Variants in ABCA13 observed in about 807,000 individuals in gnomAD.
The protein encoded by ABCA13 is ATP-binding cassette sub-family A member 13.
A neutral mutation model predicts 478.7 loss-of-function variants in ABCA13; 476 were observed. That is an observed-to-expected ratio of 0.99 (90% CI 0.92 to 1.07). The LOEUF is 1.07. Ranked by LOEUF, ABCA13 falls within the 50% of genes least tolerant of loss-of-function variation. The pLI is 0.00. For missense variants in ABCA13, 6,060 were observed against 5,910.6 expected (o/e 1.03, Z -0.83); for synonymous variants, 2,252 against 2,158.9 (o/e 1.04, Z -1.20).
intron 58 of ABCA13, among the ~76,000 whole-genome samples, chr7:48,607,570 A>C (rs1791598733): frequency 6.6e-6 from 1 of 152,072 alleles, no homozygotes; most frequent in South Asian, 2.1e-4. Flanking sequence ...GCTGCATTTA[A>C]ATTTTTTCTT....
Position 48,524,304 on chromosome 7 carries a change from AAG to A in ABCA13, c.14111_14112del (p.Glu4704GlyfsTer6), listed in dbSNP as rs1832746174. On this transcript the variant is annotated frameshift_variant, in exon 54 of 62. Transcript: ENST00000435803. LOFTEE classifies it high-confidence loss of function. ...TCTTCTAAGGATACAGATGTTGAAA[AAG>A]AGGAAAAGAGAGTGTTTGAAGGAAG... 1 of 1,612,954 alleles carries A rather than the reference AAG, an allele frequency of 6.2e-7. No homozygotes were observed. Among genetic ancestry groups the A allele is most frequent in the African/African-American group, 1.3e-5 (1 of 74,932 alleles).
chr7:48,535,796 G>A (rs898048635), intron 55 of ABCA13, among the ~76,000 whole-genome samples: 3 of 151,980 alleles, frequency 2.0e-5, no homozygotes, highest in African/African-American at 7.3e-5. Context: ...GGGGTAAGTC[G>A]GCAGTCACAG....
intron 1 of ABCA13, among the ~76,000 whole-genome samples, chr7:48,174,872 C>A (rs1487855118): frequency 6.6e-6 from 1 of 152,188 alleles, no homozygotes; most frequent in South Asian, 2.1e-4. Context: ...CAGTTGTATA[C>A]ACATAATTAT....
intron 58 of ABCA13, among the ~76,000 whole-genome samples, chr7:48,609,894 G>A (rs1005515742): frequency 2.0e-5 from 3 of 152,148 alleles, no homozygotes; most frequent in East Asian, 1.9e-4. Flanking sequence ...AATCATCTCC[G>A]GCCAGGCCCT....
chr7:48,269,728 C>T (rs1795345832), intron 16 of ABCA13, among the ~76,000 whole-genome samples: 1 of 152,086 alleles, frequency 6.6e-6, no homozygotes. Context: ...TGCACCTTGC[C>T]CCAGTCATAT....
chr7:48,183,148 T>C (rs930014300), intron 1 of ABCA13, among the ~76,000 whole-genome samples: 1 of 152,194 alleles, frequency 6.6e-6, no homozygotes, highest in African/African-American at 2.4e-5. Context: ...GCCAACGAGA[T>C]CTTCTGGCTA....
chr7:48,361,822 G>C (rs1232672130), intron 31 of ABCA13, among the ~76,000 whole-genome samples: 1 of 151,572 alleles, frequency 6.6e-6, no homozygotes, highest in African/African-American at 2.4e-5. Flanking sequence ...TAATTTCCAG[G>C]TGAAAATTCT....
At chr7:48,190,042 A>G (rs1046014190) in intron 1 of ABCA13, among the ~76,000 whole-genome samples, 5 of 152,228 alleles carry the variant, frequency 3.3e-5, no homozygotes, top group Admixed American at 2.0e-4. Flanking sequence ...TAAAGTTATC[A>G]TTATGTTTTT....
intron 5 of ABCA13, among the ~76,000 whole-genome samples, chr7:48,223,733 A>T (rs1455405555): frequency 6.6e-6 from 1 of 151,960 alleles, no homozygotes; most frequent in East Asian, 1.9e-4. Flanking sequence ...GAGGCGGTCC[A>T]ATCACCTAAG....
chr7:48,187,317 T>C (rs1275086271), intron 1 of ABCA13, among the ~76,000 whole-genome samples: 1 of 151,202 alleles, frequency 6.6e-6, no homozygotes. Context: ...AATAGTTTAT[T>C]TTTGAAGTTC....
At chr7:48,242,696 C>T (rs1791033650) in intron 10 of ABCA13, among the ~76,000 whole-genome samples, 1 of 152,198 alleles carries the variant, frequency 6.6e-6, no homozygotes, top group Non-Finnish European at 1.5e-5. Context: ...TCCTCGGCCT[C>T]CCAAAGTGCC....
intron 1 of ABCA13, among the ~76,000 whole-genome samples, chr7:48,171,868 T>C (rs1794115129): frequency 6.6e-6 from 1 of 152,232 alleles, no homozygotes; most frequent in Non-Finnish European, 1.5e-5. Flanking sequence ...TTGTAAAAAC[T>C]GAACAGTGAA....
chr7:48,366,987 A>G (rs1811776657), intron 31 of ABCA13, among the ~76,000 whole-genome samples: 2 of 152,172 alleles, frequency 1.3e-5, no homozygotes, highest in South Asian at 4.1e-4. Flanking sequence ...CAGCCCAGTA[A>G]CACGGCTTGT....
In ABCA13 at chr7:48,229,682, G is replaced by A. The variant is rs1788764542; in HGVS notation, c.633-143G>A. 4.4e-6 allele frequency: 4 copies of A among 915,116 alleles called. No homozygotes were observed. In the East Asian group the frequency reaches 9.8e-5, roughly 22 times the overall value. 56.7% of individuals were successfully genotyped at this position (915,116 alleles called of 1,614,324 possible). On this transcript the variant is annotated intron_variant, in intron 6 of 61. Transcript: ENST00000435803. ...GTTAGGGTCACATTAAAGCCACAAA[G>A]AATGCTGACATGTAAATGGTCCAGC...
intron 55 of ABCA13, among the ~76,000 whole-genome samples, chr7:48,578,032 A>G (rs977961742): frequency 1.2e-4 from 18 of 152,150 alleles, no homozygotes; most frequent in African/African-American, 3.1e-4. Context: ...ACACTTATTC[A>G]TGATACTAAC....
intron 20 of ABCA13, among the ~76,000 whole-genome samples, chr7:48,290,410 G>A (rs537029553): frequency 9.9e-5 from 15 of 152,200 alleles, no homozygotes; most frequent in South Asian, 2.1e-4. Context: ...CCTTTTCCAC[G>A]TGGTGGTTTT....
intron 55 of ABCA13, among the ~76,000 whole-genome samples, chr7:48,575,278 C>T (rs1788054525): frequency 6.6e-6 from 1 of 151,968 alleles, no homozygotes; most frequent in Admixed American, 6.6e-5. Context: ...AAAAATTATA[C>T]ATGGATATTT....
At chr7:48,398,225 A>G (rs1817115681) in intron 38 of ABCA13, among the ~76,000 whole-genome samples, 2 of 152,194 alleles carry the variant, frequency 1.3e-5, no homozygotes, top group African/African-American at 4.8e-5. Flanking sequence ...TTTAAAATGC[A>G]TCTACCCTAG....
chr7:48,469,291 G>T (rs1827215412), intron 44 of ABCA13, among the ~76,000 whole-genome samples: 2 of 152,168 alleles, frequency 1.3e-5, no homozygotes, highest in South Asian at 4.1e-4. Flanking sequence ...GATCTTCAGA[G>T]CCTGTCATGG....
Sources: allele counts gnomAD v4.1 joint callset (sites outside exome capture counted in the v4.1 genomes callset), GRCh38; gene constraint gnomAD v4.1.1; transcripts MANE v1.5; gene names NCBI Gene and HGNC (gene_info 2026-07-23, HGNC 2026-07-21).